Variants in PLD1 observed in about 807,000 individuals in gnomAD.
PLD1 encodes the protein phospholipase D1, also known as choline phosphatase 1.
Under a neutral mutation model 137.1 loss-of-function variants are expected in PLD1, and 112 were observed. The observed-to-expected ratio is 0.82, with a 90% CI of 0.70 to 0.96. The LOEUF (loss-of-function observed/expected upper bound fraction) is 0.96. PLD1 is among the 40% of genes least tolerant of loss of function. The pLI, the probability that PLD1 is intolerant of heterozygous loss-of-function variation, is 0.00. For synonymous variants in PLD1, 431 were observed against 454.7 expected (o/e 0.95, Z 0.66); for missense variants, 1,321 against 1,342.0 (o/e 0.98, Z 0.24).
chr3:171,801,160 G>A (rs903097108), intron 1 of PLD1, among the ~76,000 whole-genome samples: 6 of 152,176 alleles, frequency 3.9e-5, no homozygotes, highest in African/African-American at 1.4e-4. Flanking sequence ...ATAAGCTGTG[G>A]GGCTGGAACC....
At chr3:171,793,002 C>T (rs557227357) in intron 1 of PLD1, 72 of 285,738 alleles carry the variant, frequency 2.5e-4, no homozygotes, top group African/African-American at 1.4e-3. Context: ...AGGAGACTTG[C>T]ATTGAAGGTC....
intron 1 of PLD1, among the ~76,000 whole-genome samples, chr3:171,749,951 G>A (rs890818958): frequency 1.3e-5 from 2 of 152,164 alleles, no homozygotes; most frequent in African/African-American, 4.8e-5. Flanking sequence ...GTCCAAGCAA[G>A]TTAAATGACT....
intron 16 of PLD1, among the ~76,000 whole-genome samples, chr3:171,682,408 A>G (rs1306733995): frequency 5.3e-5 from 8 of 152,198 alleles, no homozygotes. Context: ...AGGAGGTTTA[A>G]TTCAACAAGG....
At chr3:171,653,158 C>T (rs1736924033) in intron 21 of PLD1, 1 of 152,228 alleles carries the variant, frequency 6.6e-6, no homozygotes, top group South Asian at 2.1e-4. Context: ...GGAGTAATTA[C>T]ACAACCAATC....
chr3:171,616,201 G>A (rs915831694), intron 24 of PLD1, among the ~76,000 whole-genome samples: 4 of 152,086 alleles, frequency 2.6e-5, no homozygotes, highest in Non-Finnish European at 4.4e-5. Flanking sequence ...AGTTCTTTAT[G>A]TGTTCTGTGT....
At chr3:171,626,373 T>C (rs1248791510) in intron 23 of PLD1, among the ~76,000 whole-genome samples, 3 of 152,196 alleles carry the variant, frequency 2.0e-5, no homozygotes, top group African/African-American at 7.2e-5. Context: ...AATCTACGTC[T>C]GATTAGTGTA....
intron 1 of PLD1, among the ~76,000 whole-genome samples, chr3:171,738,487 C>T (rs1440438826): frequency 6.6e-6 from 1 of 152,088 alleles, no homozygotes; most frequent in Non-Finnish European, 1.5e-5. Flanking sequence ...ATAAGCAACT[C>T]TAAATATTTC....
chr3:171,786,952 C>T lies in PLD1; in HGVS notation c.-32+23447G>A, dbSNP rs554858918. Reference sequence around the variant, plus strand: ...AACTCCCTTCATCGGTAAGTTATCACTGCTTTAAACCTTCAGTCTCTGTCC... The same window carrying T: ...AACTCCCTTCATCGGTAAGTTATCATTGCTTTAAACCTTCAGTCTCTGTCC... On this transcript the variant is annotated intron_variant, in intron 1 of 26. Coordinates refer to ENST00000351298, the MANE Select transcript of PLD1 (RefSeq NM_002662.5). Among the ~76,000 whole-genome samples, 9 of 152,296 alleles carry T rather than the reference C, an allele frequency of 5.9e-5. No individual in the cohort carries two copies. In the South Asian group the frequency reaches 1.7e-3, roughly 28 times the overall value.
intron 6 of PLD1, among the ~76,000 whole-genome samples, chr3:171,729,706 C>T (rs907021490): frequency 6.6e-5 from 10 of 152,222 alleles, no homozygotes; most frequent in East Asian, 3.8e-4. Flanking sequence ...TCCTTCTCAA[C>T]GCTAAGACTC....
chr3:171,603,405 A>G, intron 26 of PLD1, 103 bp from the exon 27 acceptor site: 1 of 752,886 alleles, frequency 1.3e-6, no homozygotes. Flanking sequence ...TGTTGTATGA[A>G]ACATATTATT....
At chr3:171,698,811 C>CAAAAA (rs11359377) in intron 12 of PLD1, among the ~76,000 whole-genome samples, 2 of 103,964 alleles carry the variant, frequency 1.9e-5, no homozygotes, top group African/African-American at 3.5e-5. Context: ...TACAAAAATA[C>CAAAAA]AAAAAAAAAA....
chr3:171,663,179 T>G (rs757996777), intron 19 of PLD1, among the ~76,000 whole-genome samples: 15 of 152,216 alleles, frequency 9.9e-5, no homozygotes, highest in Non-Finnish European at 1.9e-4. Flanking sequence ...CACATCTACT[T>G]CAGTTTATTC....
At chr3:171,738,673 G>T (rs1472885444) in intron 1 of PLD1, among the ~76,000 whole-genome samples, 1 of 152,164 alleles carries the variant, frequency 6.6e-6, no homozygotes, top group Non-Finnish European at 1.5e-5. Flanking sequence ...TGACGTATGT[G>T]TCTTGAAAGG....
intron 19 of PLD1, among the ~76,000 whole-genome samples, chr3:171,665,230 A>G (rs755929332): frequency 9.2e-5 from 14 of 152,176 alleles, no homozygotes; most frequent in Non-Finnish European, 1.5e-4. Context: ...TTAAGAGGCG[A>G]TTCTTGAAAG....
chr3:171,626,061 AGG>A (rs1734079744), intron 23 of PLD1, among the ~76,000 whole-genome samples: 1 of 152,230 alleles, frequency 6.6e-6, no homozygotes, highest in African/African-American at 2.4e-5. Context: ...TCCGAGCTAC[AGG>A]AGGAAATTCA....
Position 171,737,673 on chromosome 3 carries a change from TA to T in PLD1, c.161-15del. On this transcript the variant is annotated splice_polypyrimidine_tract_variant and intron_variant, in intron 2 of 26. Coordinates refer to ENST00000351298, the MANE Select transcript of PLD1 (RefSeq NM_002662.5). ...AAGGGATATACACTAAAAAAAAAAG[TA>T]AATAAAGTTAATGCAATATATGATT... 6.9e-7 allele frequency: 1 copy of T among 1,458,738 alleles called. No individual in the cohort carries two copies. The highest frequency in any genetic ancestry group is 9.4e-7 in the Non-Finnish European group (1 of 1,059,426). 90.4% of individuals were successfully genotyped at this position (1,458,738 alleles called of 1,614,324 possible). A position where few individuals can be genotyped will look rare whatever the true frequency, so the allele number is the denominator to read the frequency against.
At chr3:171,669,178 C>T (rs371554087) in intron 19 of PLD1, among the ~76,000 whole-genome samples, 1 of 152,140 alleles carries the variant, frequency 6.6e-6, no homozygotes, top group African/African-American at 2.4e-5. Context: ...TGTGTCTCCC[C>T]CTCTGGAATT....
At chr3:171,720,542 C>A (rs1444371800) in intron 8 of PLD1, among the ~76,000 whole-genome samples, 3 of 150,866 alleles carry the variant, frequency 2.0e-5, no homozygotes, top group Non-Finnish European at 2.9e-5. Flanking sequence ...GAGATCAGGC[C>A]GCTGCACTCC....
chr3:171,615,522 C>A (rs947233712), intron 24 of PLD1, among the ~76,000 whole-genome samples: 4 of 152,192 alleles, frequency 2.6e-5, no homozygotes, highest in Non-Finnish European at 5.9e-5. Flanking sequence ...CTTCCCTCCC[C>A]AAGAGGAAGA....
Sources: allele counts gnomAD v4.1 joint callset (sites outside exome capture counted in the v4.1 genomes callset), GRCh38; gene constraint gnomAD v4.1.1; transcripts MANE v1.5; gene names NCBI Gene and HGNC (gene_info 2026-07-23, HGNC 2026-07-21).